The following GRIA2 variants were observed in gnomAD, a reference collection of about 807,000 sequenced individuals.
The protein encoded by GRIA2 is glutamate ionotropic receptor AMPA type subunit 2.
In GRIA2, 14 loss-of-function variants were observed where a neutral mutation model predicts 97.3. The ratio of observed to expected loss-of-function variants is 0.14; its 90% CI spans 0.10 to 0.23. GRIA2 has a LOEUF of 0.23. Ranked by LOEUF, GRIA2 falls within the 10% of genes least tolerant of loss-of-function variation. GRIA2 has a pLI of 1.00. For synonymous variants in GRIA2, 412 were observed against 387.8 expected (o/e 1.06, Z -0.73); for missense variants, 558 against 1,069.8 (o/e 0.52, Z 6.67).
chr4:157,335,363 T>A, intron 9 of GRIA2: 1 of 340,480 alleles, frequency 2.9e-6, no homozygotes, highest in Non-Finnish European at 5.6e-6. Context: ...GCAGTAATAT[T>A]TTGCTCTAAG....
At chr4:157,303,977 C>G (rs1428389757) in intron 3 of GRIA2, among the ~76,000 whole-genome samples, 186 bp downstream of exon 3, 1 of 152,130 alleles carries the variant, frequency 6.6e-6, no homozygotes, top group Non-Finnish European at 1.5e-5. Context: ...ACAACAACAA[C>G]AACTACAAAA....
Position 157,317,640 on chromosome 4 carries a change from C to G in GRIA2, c.667-18C>G, listed in dbSNP as rs764054921. The G allele has an allele frequency of 2.2e-6, 2 of 902,022 alleles. No individual in the cohort carries two copies. Among genetic ancestry groups the G allele is most frequent in the South Asian group, 3.1e-5 (2 of 63,626 alleles). 55.9% of individuals were successfully genotyped at this position (902,022 alleles called of 1,614,324 possible). On this transcript the variant is annotated intron_variant, in intron 4 of 15. Coordinates refer to ENST00000264426, the MANE Select transcript of GRIA2 (RefSeq NM_001083619.3). ...ATTATTTGTATTAATTAAATAATTA[C>G]TTATTTGTGCTTATTAGGTTATTAC... is the stretch of plus-strand genomic sequence containing the variant.
chr4:157,332,947 C>G lies in GRIA2; in HGVS notation c.1011C>G (p.Pro337=). Residue 337 remains proline, a synonymous_variant, in exon 7 of 16, where the codon CCC becomes CCG. Coordinates refer to ENST00000264426, the MANE Select transcript of GRIA2 (RefSeq NM_001083619.3). ...AGDCLANPAV[P]WGQGVEIERA... ...ACTGTCTGGCAAACCCAGCAGTGCC[C>G]TGGGGACAAGGTGTAGAAATAGAAA... The G allele has an allele frequency of 1.2e-6, 2 of 1,612,048 alleles. No individual in the cohort carries two copies.
intron 9 of GRIA2, 118 bp downstream of exon 9, chr4:157,334,238 A>G (rs909450853): frequency 2.0e-5 from 13 of 636,976 alleles, no homozygotes; most frequent in African/African-American, 3.7e-5. Context: ...CAATGTTTTA[A>G]TCATTTATTT....
Position 157,363,688 on chromosome 4 carries a change from T to A in GRIA2, c.*257T>A, listed in dbSNP as rs1054938708. On this transcript the variant is annotated 3_prime_UTR_variant, in exon 16 of 16. Transcript: ENST00000264426. Reference sequence around the variant, plus strand: ...GAGAGGCATCCAGTATCTTGAAGACTTTTCTTTCAGCCAAGAATTCTTAAA... The same window carrying A: ...GAGAGGCATCCAGTATCTTGAAGACATTTCTTTCAGCCAAGAATTCTTAAA... 3 of 660,658 alleles carry A rather than the reference T, an allele frequency of 4.5e-6. No individual in the cohort carries two copies. Among genetic ancestry groups the A allele is most frequent in the African/African-American group, 3.7e-5 (2 of 53,596 alleles). 40.9% of individuals were successfully genotyped at this position (660,658 alleles called of 1,614,324 possible).
chr4:157,311,229 G>T (rs1422668215), intron 3 of GRIA2, among the ~76,000 whole-genome samples: 1 of 151,854 alleles, frequency 6.6e-6, no homozygotes, highest in Non-Finnish European at 1.5e-5. Flanking sequence ...TAATTAATTG[G>T]TTCCCTAGCA....
At chr4:157,347,406 C>T (rs2126963903) in intron 12 of GRIA2, among the ~76,000 whole-genome samples, 1 of 152,082 alleles carries the variant, frequency 6.6e-6, no homozygotes. Flanking sequence ...TTACAGGAAG[C>T]TTTCTATTAT....
intron 2 of GRIA2, among the ~76,000 whole-genome samples, chr4:157,256,158 C>CATATATATGTTATATATT (rs1731234382): frequency 7.4e-6 from 1 of 135,680 alleles, no homozygotes; most frequent in Non-Finnish European, 1.6e-5. Flanking sequence ...TTATATATTA[C>CATATATATGTTATATATT]ATATATATGT....
At chr4:157,346,365 C>T (rs1329910893) in intron 12 of GRIA2, among the ~76,000 whole-genome samples, 1 of 152,048 alleles carries the variant, frequency 6.6e-6, no homozygotes, top group Non-Finnish European at 1.5e-5. Flanking sequence ...TAATGGATTT[C>T]ACAAATTTGT....
chr4:157,245,499 GT>G (rs35846473), intron 2 of GRIA2, among the ~76,000 whole-genome samples: 4,649 of 151,094 alleles, frequency 0.031, 107 homozygotes, highest in Non-Finnish European at 0.049. Context: ...TTAAGACCAG[GT>G]TTTTTTTTGG....
intron 2 of GRIA2, among the ~76,000 whole-genome samples, chr4:157,282,212 A>C (rs1390480958): frequency 6.6e-6 from 1 of 152,142 alleles, no homozygotes; most frequent in Non-Finnish European, 1.5e-5. Context: ...AGTCAGTACC[A>C]CATGGTTAGA....
intron 2 of GRIA2, among the ~76,000 whole-genome samples, chr4:157,256,275 G>A (rs1357231048): frequency 1.7e-5 from 2 of 120,038 alleles, no homozygotes; most frequent in African/African-American, 3.2e-5. Flanking sequence ...ACATATATAT[G>A]TTATATATTA....
intron 2 of GRIA2, among the ~76,000 whole-genome samples, chr4:157,265,542 C>A (rs1274248343): frequency 6.6e-6 from 1 of 152,096 alleles, no homozygotes; most frequent in Admixed American, 6.6e-5. Flanking sequence ...TGCTGCCAGT[C>A]TTTTTAAAGA....
chr4:157,292,698 T>G (rs1733159418), intron 2 of GRIA2, among the ~76,000 whole-genome samples: 1 of 151,982 alleles, frequency 6.6e-6, no homozygotes, highest in Admixed American at 6.6e-5. Context: ...TAGAGGAAAC[T>G]ATAAAAATAG....
At chr4:157,270,481 AAT>A (rs1451483196) in intron 2 of GRIA2, among the ~76,000 whole-genome samples, 1 of 152,100 alleles carries the variant, frequency 6.6e-6, no homozygotes, top group Non-Finnish European at 1.5e-5. Flanking sequence ...AAATAACTTA[AAT>A]ATCACCAAAC....
In GRIA2 at chr4:157,221,067, GTCC is replaced by G. The variant is rs1299198234; in HGVS notation, c.30_32del (p.Leu11del). On this transcript the variant is annotated inframe_deletion, in exon 1 of 16. Coordinates refer to ENST00000264426, the MANE Select transcript of GRIA2 (RefSeq NM_001083619.3). ...AATGCAAAAGATTATGCATATTTCT[GTCC>G]TCCTTTCTCCTGTTTTATGGGGACT... 2 of 1,588,000 alleles carry G rather than the reference GTCC, an allele frequency of 1.3e-6. No individual in the cohort carries two copies. The highest frequency in any genetic ancestry group is 1.3e-5 in the African/African-American group (1 of 74,442).
At chr4:157,312,157 G>C (rs1734110415) in intron 3 of GRIA2, among the ~76,000 whole-genome samples, 1 of 151,928 alleles carries the variant, frequency 6.6e-6, no homozygotes, top group African/African-American at 2.4e-5. Flanking sequence ...CTGCTGACTT[G>C]AAAACAATAG....
chr4:157,340,488 A>T (rs1579376963), intron 11 of GRIA2, among the ~76,000 whole-genome samples: 1 of 152,002 alleles, frequency 6.6e-6, no homozygotes, highest in East Asian at 1.9e-4. Flanking sequence ...ATTTGTAGTC[A>T]GAAAAATATT....
At chr4:157,310,984 T>G (rs1275399045) in intron 3 of GRIA2, among the ~76,000 whole-genome samples, 1 of 152,106 alleles carries the variant, frequency 6.6e-6, no homozygotes, top group Non-Finnish European at 1.5e-5. Context: ...TGGAGACATA[T>G]CTCTGTTATC....
Sources: gnomAD v4.1 joint callset for allele counts (sites outside exome capture counted in the v4.1 genomes callset) on GRCh38, gnomAD v4.1.1 for gene constraint, MANE v1.5 for transcripts, NCBI Gene and HGNC (gene_info 2026-07-23, HGNC 2026-07-21) for gene names.